The following PRKG1 variants were observed in gnomAD, a reference collection of about 807,000 sequenced individuals.
The protein encoded by PRKG1 is cGMP-dependent protein kinase 1.
A neutral mutation model predicts 88.1 loss-of-function variants in PRKG1; 35 were observed. The ratio of observed to expected loss-of-function variants is 0.40; its 90% confidence interval spans 0.30 to 0.53. The LOEUF (loss-of-function observed/expected upper bound fraction) is 0.53. Ranked by LOEUF, PRKG1 falls within the 20% of genes least tolerant of loss-of-function variation. PRKG1 has a pLI of 0.59. For synonymous variants in PRKG1, 303 were observed against 292.5 expected (o/e 1.04, Z -0.37); for missense variants, 540 against 839.8 (o/e 0.64, Z 4.41).
chr10:51,656,901 ACT>A lies in PRKG1; in HGVS notation c.593-147681_593-147680del, dbSNP rs1206320129. Among the ~76,000 whole-genome samples, 44 of 152,150 alleles carry A rather than the reference ACT, an allele frequency of 2.9e-4. 1 individual carries two copies. The highest frequency in any genetic ancestry group is 2.9e-5 in the Non-Finnish European group (2 of 67,994). On this transcript the variant is annotated intron_variant, in intron 3 of 17. Coordinates refer to ENST00000373980, the MANE Select transcript of PRKG1 (RefSeq NM_006258.4). The stretch of plus-strand genomic sequence containing the variant: ...GAGTAAGGCAAATTTAAGAGTACAG[ACT>A]CTGAAAGCTTCGTGACTATGAATCT...
At chr10:51,241,258 C>T (rs765880285) in intron 2 of PRKG1, among the ~76,000 whole-genome samples, 13 of 151,600 alleles carry the variant, frequency 8.6e-5, no homozygotes, top group East Asian at 3.9e-4. Context: ...ACAATAGTCA[C>T]GGCGTCATGG....
intron 3 of PRKG1, among the ~76,000 whole-genome samples, chr10:51,607,699 T>C (rs1284048789): frequency 6.6e-6 from 1 of 152,236 alleles, no homozygotes; most frequent in Admixed American, 6.5e-5. Context: ...AAGAGATAAG[T>C]GCCTATTATT....
chr10:52,103,339 CTCCTCTTCTCCA>C (rs1408812623), intron 7 of PRKG1, among the ~76,000 whole-genome samples: 2 of 152,080 alleles, frequency 1.3e-5, no homozygotes, highest in Non-Finnish European at 2.9e-5. Context: ...CCTCTCCTGC[CTCCTCTTCTCCA>C]TCCTCTACCT....
intron 3 of PRKG1, among the ~76,000 whole-genome samples, chr10:51,658,759 T>G (rs769614817): frequency 6.6e-6 from 1 of 152,138 alleles, no homozygotes; most frequent in Non-Finnish European, 1.5e-5. Flanking sequence ...GTTTTCACTT[T>G]TATTTTTTTT....
At chr10:51,217,831 T>C (rs1397562421) in intron 2 of PRKG1, among the ~76,000 whole-genome samples, 1 of 152,186 alleles carries the variant, frequency 6.6e-6, no homozygotes, top group Non-Finnish European at 1.5e-5. Context: ...ATGGAAAAGC[T>C]AATTATTTTA....
At chr10:51,355,454 T>G (rs1564459391) in intron 2 of PRKG1, among the ~76,000 whole-genome samples, 1 of 152,048 alleles carries the variant, frequency 6.6e-6, no homozygotes, top group Non-Finnish European at 1.5e-5. Flanking sequence ...CTGCAGCTCT[T>G]TCTCCCCCAC....
intron 9 of PRKG1, among the ~76,000 whole-genome samples, chr10:52,208,023 C>G (rs1055364684): frequency 2.6e-4 from 39 of 152,250 alleles, no homozygotes; most frequent in African/African-American, 9.4e-4. Context: ...GAATCTGAGG[C>G]TCAGAGAGAT....
chr10:52,196,321 A>T (rs1302706372), intron 9 of PRKG1, among the ~76,000 whole-genome samples: 1 of 152,058 alleles, frequency 6.6e-6, no homozygotes, highest in African/African-American at 2.4e-5. Flanking sequence ...AGGCCAAGAA[A>T]TTCTTTAAGG....
chr10:51,260,575 C>T (rs969369513), intron 2 of PRKG1, among the ~76,000 whole-genome samples: 1 of 152,124 alleles, frequency 6.6e-6, no homozygotes, highest in African/African-American at 2.4e-5. Context: ...AGAGCATGCC[C>T]TGCAAAAATG....
intron 3 of PRKG1, among the ~76,000 whole-genome samples, chr10:51,547,456 T>C (rs1161768557): frequency 6.6e-6 from 1 of 152,140 alleles, no homozygotes; most frequent in Non-Finnish European, 1.5e-5. Flanking sequence ...CCAAAATTTT[T>C]GGATACAGTA....
In PRKG1 at chr10:51,529,985, T is replaced by G. The variant is rs566679119; in HGVS notation, c.592+62149T>G. Among the ~76,000 whole-genome samples, 10 of 152,342 alleles carry G rather than the reference T, an allele frequency of 6.6e-5. No homozygotes were observed. The East Asian group carries it at 1.9e-3, about 29-fold the overall frequency. On this transcript the variant is annotated intron_variant, in intron 3 of 17. Coordinates refer to ENST00000373980, the MANE Select transcript of PRKG1 (RefSeq NM_006258.4). ...CTTTCTTTTTTAAGTAGCCTGGAGA[T>G]GCTTGCTCTCTTTTTTAACTAGTCT...
intron 7 of PRKG1, among the ~76,000 whole-genome samples, chr10:52,085,828 G>A (rs1196092926): frequency 6.6e-6 from 1 of 151,516 alleles, no homozygotes; most frequent in African/African-American, 2.4e-5. Flanking sequence ...CCTTTCCCTG[G>A]TTCCTAACAT....
intron 7 of PRKG1, among the ~76,000 whole-genome samples, chr10:52,063,907 T>C (rs1846295389): frequency 2.0e-5 from 3 of 152,198 alleles, no homozygotes; most frequent in Admixed American, 2.0e-4. Context: ...ATATCTGCTC[T>C]GCTCTGGTTA....
intron 1 of PRKG1, among the ~76,000 whole-genome samples, chr10:51,111,340 A>G (rs191222659): frequency 1.5e-4 from 23 of 152,298 alleles, no homozygotes; most frequent in Non-Finnish European, 2.6e-4. Flanking sequence ...GTTTTGATAC[A>G]GGCATACAGG....
intron 2 of PRKG1, among the ~76,000 whole-genome samples, chr10:51,455,951 C>A (rs1451522582): frequency 6.6e-6 from 1 of 152,198 alleles, no homozygotes; most frequent in Non-Finnish European, 1.5e-5. Context: ...TACAGCAGCA[C>A]CCAACTCCTG....
At chr10:51,300,359 T>A (rs770962566) in intron 2 of PRKG1, among the ~76,000 whole-genome samples, 1 of 152,210 alleles carries the variant, frequency 6.6e-6, no homozygotes, top group Non-Finnish European at 1.5e-5. Flanking sequence ...TATATTATAG[T>A]GGTATCATAA....
chr10:51,225,730 T>G (rs776919612), intron 2 of PRKG1, among the ~76,000 whole-genome samples: 19 of 152,084 alleles, frequency 1.2e-4, no homozygotes, highest in Non-Finnish European at 2.4e-4. Context: ...GGCTATAAAC[T>G]GAGACTTTAA....
intron 4 of PRKG1, among the ~76,000 whole-genome samples, chr10:51,837,977 C>T (rs1269436473): frequency 2.6e-5 from 4 of 152,142 alleles, no homozygotes; most frequent in Admixed American, 2.6e-4. Flanking sequence ...ATGAGTCTCA[C>T]TGCATCAGTG....
chr10:51,972,836 T>A (rs1414726081), intron 5 of PRKG1, among the ~76,000 whole-genome samples: 4 of 152,086 alleles, frequency 2.6e-5, no homozygotes, highest in African/African-American at 9.7e-5. Context: ...TCTGATTTGA[T>A]ATAGGGTTTT....
Sources: gnomAD v4.1 joint callset for allele counts (sites outside exome capture counted in the v4.1 genomes callset) on GRCh38, gnomAD v4.1.1 for gene constraint, MANE v1.5 for transcripts, NCBI Gene and HGNC (gene_info 2026-07-23, HGNC 2026-07-21) for gene names.